The following GALNTL6 variants were observed in gnomAD, a reference collection of about 807,000 sequenced individuals.
GALNTL6 encodes the protein polypeptide N-acetylgalactosaminyltransferase like 6.
GALNTL6 carries 46 observed loss-of-function variants against 73.7 expected under a neutral mutation model. The observed-to-expected ratio is 0.62, with a 90% CI of 0.49 to 0.80. The LOEUF (loss-of-function observed/expected upper bound fraction) is 0.80. Among genes scored for constraint, GALNTL6 ranks in the 30% least tolerant of loss-of-function variants. The pLI is 0.00. For missense variants in GALNTL6, 604 were observed against 755.0 expected (o/e 0.80, Z 2.34); for synonymous variants, 259 against 263.7 (o/e 0.98, Z 0.17).
intron 2 of GALNTL6, among the ~76,000 whole-genome samples, chr4:172,052,830 A>G (rs113533939): frequency 1.3e-5 from 2 of 152,170 alleles, no homozygotes; most frequent in African/African-American, 4.8e-5. Flanking sequence ...CTCTACTAGC[A>G]TAAACATACA....
At chr4:172,823,149 C>T (rs1742036518) in intron 7 of GALNTL6, among the ~76,000 whole-genome samples, 1 of 152,200 alleles carries the variant, frequency 6.6e-6, no homozygotes, top group Non-Finnish European at 1.5e-5. Flanking sequence ...GATACCAGAG[C>T]ATGGCAGAAT....
At chr4:171,842,563 G>T (rs1038018412) in intron 2 of GALNTL6, among the ~76,000 whole-genome samples, 9 of 152,164 alleles carry the variant, frequency 5.9e-5, no homozygotes, top group Middle Eastern at 3.4e-3. Context: ...CTTCTGGTGA[G>T]GCCTCAGGAA....
chr4:172,705,528 T>C (rs1366722009), intron 5 of GALNTL6, among the ~76,000 whole-genome samples: 1 of 152,026 alleles, frequency 6.6e-6, no homozygotes, highest in African/African-American at 2.4e-5. Flanking sequence ...ATTTACATCT[T>C]TTTATATTGC....
At chr4:171,836,197 ACTAT>A (rs1251458815) in intron 2 of GALNTL6, among the ~76,000 whole-genome samples, 11 of 151,992 alleles carry the variant, frequency 7.2e-5, no homozygotes, top group African/African-American at 2.2e-4. Flanking sequence ...GCTAGATGAA[ACTAT>A]CTATTTTTAA....
chr4:172,096,899 G>T (rs186564741), intron 2 of GALNTL6, among the ~76,000 whole-genome samples: 3 of 152,284 alleles, frequency 2.0e-5, no homozygotes, highest in Admixed American at 1.3e-4. Flanking sequence ...TAGAAAGTAG[G>T]CTAGGACCTC....
intron 9 of GALNTL6, among the ~76,000 whole-genome samples, chr4:172,934,755 A>G (rs1484024560): frequency 6.6e-6 from 1 of 152,210 alleles, no homozygotes; most frequent in Non-Finnish European, 1.5e-5. Context: ...TGTGGTGACA[A>G]TCATCCCTTC....
chr4:172,367,196 G>T (rs61136358), intron 5 of GALNTL6, among the ~76,000 whole-genome samples: 1 of 152,102 alleles, frequency 6.6e-6, no homozygotes, highest in Non-Finnish European at 1.5e-5. Flanking sequence ...GGCATCACGC[G>T]TTTTGATCTC....
At chr4:172,469,696 T>C (rs1184538922) in intron 5 of GALNTL6, among the ~76,000 whole-genome samples, 1 of 152,232 alleles carries the variant, frequency 6.6e-6, no homozygotes, top group Non-Finnish European at 1.5e-5. Context: ...AATATTATCC[T>C]AAGGAAGTCA....
At chr4:172,205,543 G>C in intron 2 of GALNTL6, among the ~76,000 whole-genome samples, 1 of 152,166 alleles carries the variant, frequency 6.6e-6, no homozygotes, top group South Asian at 2.1e-4. Context: ...GATATTAAAA[G>C]CTAGGTCAAA....
At chr4:172,444,621 A>G (rs1366281009) in intron 5 of GALNTL6, among the ~76,000 whole-genome samples, 2 of 152,218 alleles carry the variant, frequency 1.3e-5, no homozygotes, top group African/African-American at 2.4e-5. Context: ...TTGCTGTGCC[A>G]TGATATGTCT....
intron 5 of GALNTL6, among the ~76,000 whole-genome samples, chr4:172,351,187 C>CTATTTATCTATT (rs768006514): frequency 6.6e-4 from 98 of 148,130 alleles, no homozygotes; most frequent in African/African-American, 2.5e-3. Flanking sequence ...ATCTGTCTAT[C>CTATTTATCTATT]TATCTATCTA....
At chr4:172,735,566 A>C (rs1736410085) in intron 5 of GALNTL6, among the ~76,000 whole-genome samples, 1 of 152,100 alleles carries the variant, frequency 6.6e-6, no homozygotes, top group Non-Finnish European at 1.5e-5. Flanking sequence ...AAAATGATTT[A>C]AGACTTTGGG....
intron 2 of GALNTL6, among the ~76,000 whole-genome samples, chr4:172,182,935 C>T (rs967767264): frequency 1.3e-5 from 2 of 151,974 alleles, no homozygotes; most frequent in East Asian, 1.9e-4. Context: ...ATTCAAAGAA[C>T]GCATTCGCTC....
intron 5 of GALNTL6, among the ~76,000 whole-genome samples, chr4:172,415,750 G>C (rs772118580): frequency 6.6e-6 from 1 of 152,058 alleles, no homozygotes; most frequent in Non-Finnish European, 1.5e-5. Context: ...TCTAAGGGGG[G>C]TCCGAGTGAG....
At chr4:172,299,004 T>C in intron 3 of GALNTL6, among the ~76,000 whole-genome samples, 1 of 152,180 alleles carries the variant, frequency 6.6e-6, no homozygotes, top group Non-Finnish European at 1.5e-5. Context: ...TCCTGGACTT[T>C]TTTTGGTTGG....
intron 5 of GALNTL6, among the ~76,000 whole-genome samples, chr4:172,758,469 G>C (rs6819441): frequency 0.45 from 68,392 of 152,056 alleles, 17,725 homozygotes; most frequent in East Asian, 0.68. Flanking sequence ...CCAGGAGGCA[G>C]AGGTTTCAGT....
At chr4:172,186,511 A>G (rs1735418821) in intron 2 of GALNTL6, among the ~76,000 whole-genome samples, 3 of 152,156 alleles carry the variant, frequency 2.0e-5, no homozygotes, top group Non-Finnish European at 4.4e-5. Flanking sequence ...AAGCAGCTCA[A>G]TGTCTACCAT....
intron 5 of GALNTL6, among the ~76,000 whole-genome samples, chr4:172,683,319 C>T (rs779904738): frequency 6.6e-6 from 1 of 152,182 alleles, no homozygotes; most frequent in African/African-American, 2.4e-5. Flanking sequence ...GAGGAGATAT[C>T]TATTCACTTC....
chr4:171,996,123 T>A (rs1175992038), intron 2 of GALNTL6, among the ~76,000 whole-genome samples: 10 of 152,144 alleles, frequency 6.6e-5, no homozygotes. Context: ...ATCCGTACAC[T>A]TAACATTAAG....
Sources: gnomAD v4.1 joint callset for allele counts (sites outside exome capture counted in the v4.1 genomes callset) on GRCh38, gnomAD v4.1.1 for gene constraint, MANE v1.5 for transcripts, NCBI Gene and HGNC (gene_info 2026-07-23, HGNC 2026-07-21) for gene names.